Variants in TACC2 observed in about 807,000 individuals in gnomAD.
TACC2 encodes transforming acidic coiled-coil-containing protein 2.
TACC2 carries 137 observed loss-of-function variants against 227.3 expected under a neutral mutation model. That is an observed-to-expected ratio of 0.60 (90% confidence interval 0.52 to 0.69). The LOEUF (loss-of-function observed/expected upper bound fraction) is 0.69, where lower values mean the gene tolerates loss of function less well. Ranked by LOEUF, TACC2 falls within the 30% of genes least tolerant of loss-of-function variation. TACC2 has a pLI of 0.00. For missense variants in TACC2, 3,470 were observed against 3,694.4 expected (o/e 0.94, Z 1.57); for synonymous variants, 1,523 against 1,487.5 (o/e 1.02, Z -0.55).
At chr10:122,066,606 T>G (rs1467252877) in intron 3 of TACC2, among the ~76,000 whole-genome samples, 3 of 152,208 alleles carry the variant, frequency 2.0e-5, no homozygotes, top group Non-Finnish European at 4.4e-5. Context: ...TTTCACCATG[T>G]TGGCTAGACT....
chr10:122,080,211 C>CTTTTTTTTTTTTTTTT (rs111618289), intron 3 of TACC2, among the ~76,000 whole-genome samples: 2 of 113,218 alleles, frequency 1.8e-5, no homozygotes, highest in African/African-American at 7.9e-5. Flanking sequence ...TCTTCCTTTC[C>CTTTTTTTTTTTTTTTT]TTTTTTTTTT....
chr10:122,079,892 T>C (rs2079250241), intron 3 of TACC2, among the ~76,000 whole-genome samples: 1 of 152,238 alleles, frequency 6.6e-6, no homozygotes, highest in Admixed American at 6.5e-5. Context: ...CTAGTGAATT[T>C]CATCTGTTAT....
Position 122,176,641 on chromosome 10 carries a change from G to C in TACC2, c.5835-18399G>C, listed in dbSNP as rs547688713. 1.8e-3 allele frequency among the ~76,000 whole-genome samples: 272 copies of C among 152,316 alleles called. 2 individuals carry two copies. Among genetic ancestry groups the C allele is most frequent in the African/African-American group, 6.3e-3 (261 of 41,572 alleles). On this transcript the variant is annotated intron_variant, in intron 7 of 22. Transcript: ENST00000369005. ...GATAACCATGCAGATTCAAGCTGCTGAAAGGCCTGATGTGGCCCTAGAAAG... is the reference window on the plus strand; with the variant it reads ...GATAACCATGCAGATTCAAGCTGCTCAAAGGCCTGATGTGGCCCTAGAAAG...
intron 3 of TACC2, among the ~76,000 whole-genome samples, chr10:122,069,579 C>G (rs1262096350): frequency 1.3e-5 from 2 of 152,110 alleles, no homozygotes; most frequent in African/African-American, 4.8e-5. Flanking sequence ...TCCTGCTCCT[C>G]CTTTCCTCTG....
At chr10:122,098,247 G>T (rs977662564) in intron 5 of TACC2, among the ~76,000 whole-genome samples, 3 of 152,210 alleles carry the variant, frequency 2.0e-5, no homozygotes, top group African/African-American at 4.8e-5. Context: ...TGGCCATTTT[G>T]ATAGAGAGCT....
chr10:122,220,432 G>A (rs2095501304), intron 11 of TACC2, among the ~76,000 whole-genome samples: 1 of 152,180 alleles, frequency 6.6e-6, no homozygotes, highest in African/African-American at 2.4e-5. Flanking sequence ...TTAATGTGAA[G>A]ACACAACAGT....
rs748148934 is a variant in TACC2 at position 122,230,343 on chromosome 10, G to A, written c.8038-8G>A. 2 of 1,613,540 alleles carry A rather than the reference G, an allele frequency of 1.2e-6. No homozygotes were observed. Among genetic ancestry groups the A allele is most frequent in the South Asian group, 2.2e-5 (2 of 91,078 alleles). ...TCCCTGCGGTTTGCCCACACTCCCT[G>A]TGGGCAGGAGGAGTTAGAGTTTGCC... On this transcript the variant is annotated splice_polypyrimidine_tract_variant and splice_region_variant and intron_variant, in intron 15 of 22. Coordinates refer to ENST00000369005, the MANE Select transcript of TACC2 (RefSeq NM_206862.4).
chr10:122,085,418 C>A lies in TACC2; in HGVS notation c.2918C>A (p.Ser973Tyr), dbSNP rs1399066665. 1 of 1,613,936 alleles carries A rather than the reference C, an allele frequency of 6.2e-7. No homozygotes were observed. The highest frequency in any genetic ancestry group is 1.7e-5 in the Admixed American group (1 of 60,030). ...PPAADVLKDF[S>Y]LAGNFSRKET... is the part of the protein sequence containing the mutation. ...GCAGCAGATGTCTTAAAAGACTTTT[C>A]TCTTGCAGGGAACTTCAGCAGAAAG... is the stretch of plus-strand genomic sequence containing the variant. Residue 973 changes from serine to tyrosine, a missense_variant, in exon 4 of 23, where the codon TCT becomes TAT. Ser to Tyr is a moderately radical substitution (Grantham distance 144). Transcript: ENST00000369005.
chr10:122,147,573 T>G (rs1282907743), intron 7 of TACC2, among the ~76,000 whole-genome samples: 1 of 152,190 alleles, frequency 6.6e-6, no homozygotes, highest in East Asian at 1.9e-4. Context: ...TATTTAGAGT[T>G]TTTCTGCACA....
rs750294495 is a variant in TACC2 at position 122,213,311 on chromosome 10, GTCTC to G, written c.7283+1607_7283+1610del. ...TCTTTTTTGTCAGTTCCTTCTGTCTGTCTCTCTTTTTCTTTGTCTTCTTGTCTTA... is the reference window on the plus strand; with the variant it reads ...TCTTTTTTGTCAGTTCCTTCTGTCTGTCTTTTTCTTTGTCTTCTTGTCTTA... On this transcript the variant is annotated intron_variant, in intron 9 of 22. Transcript: ENST00000369005. The G allele has an allele frequency of 5.4e-5, 87 of 1,607,114 alleles. No individual in the cohort carries two copies. The African/African-American group carries it at 9.5e-4, about 17-fold the overall frequency.
chr10:122,235,952 G>T (rs2095850085), intron 16 of TACC2, among the ~76,000 whole-genome samples: 1 of 152,130 alleles, frequency 6.6e-6, no homozygotes, highest in Non-Finnish European at 1.5e-5. Context: ...CCAGGCAGGG[G>T]CCAAGAAACC....
rs575953112 is a variant in TACC2 at position 121,998,720 on chromosome 10, AGT to A, written c.-46+9233_-46+9234del. 6.9e-3 allele frequency among the ~76,000 whole-genome samples: 1,043 copies of A among 152,258 alleles called. 7 individuals are homozygous for A. Among genetic ancestry groups the A allele is most frequent in the African/African-American group, 0.024 (1,011 of 41,542 alleles). Reference sequence around the variant, plus strand: ...CTCTGTGCTGGATCGGGTGCCAAAGAGTTGGAAAGAGATTAAACCCAGCAACA... The same window carrying A: ...CTCTGTGCTGGATCGGGTGCCAAAGATGGAAAGAGATTAAACCCAGCAACA... On this transcript the variant is annotated intron_variant, in intron 1 of 22. Transcript: ENST00000369005.
intron 19 of TACC2, among the ~76,000 whole-genome samples, chr10:122,242,790 T>G (rs1310793584): frequency 6.6e-6 from 1 of 152,162 alleles, no homozygotes; most frequent in Non-Finnish European, 1.5e-5. Flanking sequence ...TTGCTTAGGT[T>G]TATGATAATC....
chr10:122,006,859 ATTTT>A (rs34965370), intron 1 of TACC2, among the ~76,000 whole-genome samples: 71 of 107,020 alleles, frequency 6.6e-4, no homozygotes, highest in Middle Eastern at 9.6e-3. Flanking sequence ...TGCTTTCCTG[ATTTT>A]TTTTTTTTTT....
Position 122,128,096 on chromosome 10 carries a change from C to T in TACC2, c.5574-4513C>T, listed in dbSNP as rs186648792. ...GTGGGTAAGTAGAAGTGACAGCTGACGGCCTGAGAGCGAGGGACAAGGCTG... is the reference window on the plus strand; with the variant it reads ...GTGGGTAAGTAGAAGTGACAGCTGATGGCCTGAGAGCGAGGGACAAGGCTG... On this transcript the variant is annotated intron_variant, in intron 5 of 22. Transcript: ENST00000369005. 2.0e-5 allele frequency among the ~76,000 whole-genome samples: 3 copies of T among 151,246 alleles called. No homozygotes were observed. The East Asian group carries it at 5.9e-4, about 30-fold the overall frequency.
rs1261132683 is a variant in TACC2 at position 122,077,294 on chromosome 10, A to G, written c.147-5353A>G. Among the ~76,000 whole-genome samples the G allele has an allele frequency of 2.0e-5, 3 of 152,116 alleles. No homozygotes were observed. In the East Asian group the frequency reaches 5.8e-4, roughly 29 times the overall value. On this transcript the variant is annotated intron_variant, in intron 3 of 22. Transcript: ENST00000369005. ...TATCAACAACATTTTATTGTTTGTT[A>G]TATGCCAGGCACCAGGGATATGATA...
At chr10:122,161,136 A>G (rs903771044) in intron 7 of TACC2, among the ~76,000 whole-genome samples, 3 of 152,054 alleles carry the variant, frequency 2.0e-5, no homozygotes, top group Non-Finnish European at 2.9e-5. Flanking sequence ...AGGTCTCACT[A>G]TGTTGCCCAG....
intron 5 of TACC2, among the ~76,000 whole-genome samples, chr10:122,101,723 CTTTTTT>C (rs1179126977): frequency 5.4e-5 from 3 of 55,726 alleles, no homozygotes; most frequent in Non-Finnish European, 3.0e-5. Flanking sequence ...CCATGCCCAG[CTTTTTT>C]TTTTTTTTTT....
chr10:122,084,714 T>C lies in TACC2; in HGVS notation c.2214T>C (p.Gly738=). The C allele has an allele frequency of 6.2e-7, 1 of 1,613,406 alleles. No individual in the cohort carries two copies. The highest frequency in any genetic ancestry group is 8.5e-7 in the Non-Finnish European group (1 of 1,179,974). ...VAEVAPKAQE[G]ESTLEIRKMG... is the part of the protein sequence containing the mutation. ...AGGTTGCACCCAAAGCCCAGGAAGG[T>C]GAGAGCACATTGGAAATAAGGAAGA... Residue 738 remains glycine, a synonymous_variant, in exon 4 of 23, where the codon GGT becomes GGC. Coordinates refer to ENST00000369005, the MANE Select transcript of TACC2 (RefSeq NM_206862.4).
Sources: allele counts gnomAD v4.1 joint callset (sites outside exome capture counted in the v4.1 genomes callset), GRCh38; gene constraint gnomAD v4.1.1; transcripts MANE v1.5; gene names NCBI Gene and HGNC (gene_info 2026-07-23, HGNC 2026-07-21).